CENATAC: variants seen among roughly 807,000 people sequenced by gnomAD.
The protein encoded by CENATAC is coiled-coil domain containing 84.
Under a neutral mutation model 53.7 loss-of-function variants are expected in CENATAC, and 53 were observed. The observed-to-expected ratio is 0.99, with a 90% CI of 0.79 to 1.24. The LOEUF (loss-of-function observed/expected upper bound fraction) is 1.24, where lower values mean the gene tolerates loss of function less well. CENATAC is among the 50% of genes most tolerant of loss of function. CENATAC has a pLI of 0.00. For missense variants in CENATAC, 474 were observed against 417.8 expected, an observed-to-expected ratio of 1.13 and a Z score of -1.17; for synonymous variants, 156 against 144.6, an observed-to-expected ratio of 1.08 and a Z score of -0.57.
intron 3 of CENATAC, among the ~76,000 whole-genome samples, chr11:119,008,262 C>CT (rs1251497330): frequency 6.6e-6 from 1 of 152,188 alleles, no homozygotes; most frequent in Non-Finnish European, 1.5e-5. Context: ...GCACCGGCCT[C>CT]TGAGTTCCCT....
Position 118,998,590 on chromosome 11 carries a change from C to G in CENATAC, c.281C>G (p.Ala94Gly). 2.6e-6 allele frequency: 4 copies of G among 1,560,452 alleles called. No homozygotes were observed. The highest frequency in any genetic ancestry group is 3.5e-6 in the Non-Finnish European group (4 of 1,151,632). Residue 94 changes from alanine to glycine, a missense_variant, in exon 2 of 11, where the codon GCC (alanine) becomes GGC (glycine). By Grantham distance (60) the Ala-to-Gly change is moderately conservative. Coordinates refer to ENST00000334418, the MANE Select transcript of CENATAC (RefSeq NM_198489.3). ...VLYGGLLEHLASPEHKKATNK... is the reference protein window; with the variant it reads ...VLYGGLLEHLGSPEHKKATNK... ...TACGGGGGGCTGCTGGAGCATCTGGCCAGGTGAGAGCCGAGCTAGGAGCCT... is the reference window on the plus strand; with the variant it reads ...TACGGGGGGCTGCTGGAGCATCTGGGCAGGTGAGAGCCGAGCTAGGAGCCT...
At position 119,013,299 on chromosome 11, in the gene CENATAC, ATTTTT is replaced by A. The variant is rs371143734; in HGVS notation, c.715+48_715+52del. The A allele has an allele frequency of 1.8e-4, 242 of 1,337,030 alleles. No homozygotes were observed. In the African/African-American group the frequency reaches 3.3e-3, roughly 18 times the overall value. The allele number at this position is 1,337,030 out of a possible 1,614,324, so 82.8% of individuals were successfully genotyped here. ...GGCAGTGTTTTTAAAACCCTGGGAG[ATTTTT>A]TTTTTTTTTTGAGATGGAGTCTTGT... On this transcript the variant is annotated intron_variant, in intron 8 of 10. Coordinates refer to ENST00000334418, the MANE Select transcript of CENATAC (RefSeq NM_198489.3).
chr11:119,002,208 G>C (rs991025137), intron 3 of CENATAC, among the ~76,000 whole-genome samples: 5 of 87,114 alleles, frequency 5.7e-5, no homozygotes, highest in South Asian at 4.0e-4. Flanking sequence ...TGGGCAACAA[G>C]AGCAAAACTC....
intron 3 of CENATAC, among the ~76,000 whole-genome samples, chr11:119,009,266 A>T (rs1189148966): frequency 6.6e-6 from 1 of 152,138 alleles, no homozygotes; most frequent in Non-Finnish European, 1.5e-5. Context: ...AGCTGGGATT[A>T]CAGGCACCTG....
chr11:119,002,923 T>A, intron 3 of CENATAC: 1 of 378,844 alleles, frequency 2.6e-6, no homozygotes. Flanking sequence ...GTAGCTGGTA[T>A]TACAGGCATG....
At chr11:119,000,137 G>A (rs1338700678) in intron 3 of CENATAC, among the ~76,000 whole-genome samples, 1 of 152,180 alleles carries the variant, frequency 6.6e-6, no homozygotes, top group Non-Finnish European at 1.5e-5. Flanking sequence ...GGCAGAAGCT[G>A]CCCCTTCTGC....
chr11:119,000,835 G>A (rs782076202), intron 3 of CENATAC, among the ~76,000 whole-genome samples: 16 of 152,020 alleles, frequency 1.1e-4, no homozygotes, highest in Non-Finnish European at 1.6e-4. Context: ...GAACTTCTGG[G>A]CTCAAGCAAT....
chr11:119,007,405 A>G (rs1289144746), intron 3 of CENATAC, among the ~76,000 whole-genome samples: 1 of 152,038 alleles, frequency 6.6e-6, no homozygotes, highest in East Asian at 1.9e-4. Context: ...GCTGGTCTCA[A>G]ACTCCTGACC....
At chr11:119,010,587 G>T in intron 3 of CENATAC, 177 bp from the exon 4 acceptor site, 1 of 590,058 alleles carries the variant, frequency 1.7e-6, no homozygotes. Context: ...AAAAGAAGTG[G>T]AGCCAGTATG....
At chr11:119,015,125 A>G in intron 9 of CENATAC, 42 bp downstream of exon 9, 1 of 1,545,584 alleles carries the variant, frequency 6.5e-7, no homozygotes, top group Non-Finnish European at 8.9e-7. Flanking sequence ...AAATCTTCAC[A>G]CTCAAAAATG....
At chr11:119,000,631 C>G (rs1942244960) in intron 3 of CENATAC, among the ~76,000 whole-genome samples, 3 of 151,872 alleles carry the variant, frequency 2.0e-5, no homozygotes, top group African/African-American at 7.3e-5. Context: ...TGGTGGGTGC[C>G]TATAATCCCA....
intron 4 of CENATAC, among the ~76,000 whole-genome samples, 153 bp downstream of exon 4, chr11:119,010,983 G>A (rs116348104): frequency 0.02 from 2,974 of 152,188 alleles, 93 homozygotes; most frequent in African/African-American, 0.068. Flanking sequence ...TAAGGAGCAC[G>A]CAACCTAGAT....
intron 3 of CENATAC, among the ~76,000 whole-genome samples, chr11:119,001,407 T>C (rs1942287934): frequency 1.3e-5 from 2 of 152,158 alleles, no homozygotes; most frequent in Non-Finnish European, 2.9e-5. Flanking sequence ...CTTTTTTTTT[T>C]TGGAGAGGGA....
In CENATAC at chr11:119,015,691, G is replaced by GC. The variant is rs1943136104; in HGVS notation, c.*93_*94insC. On this transcript the variant is annotated 3_prime_UTR_variant, in exon 11 of 11. Transcript: ENST00000334418. Reference sequence around the variant, plus strand: ...AAATTCTTTATCATTGTCTTTCTTAGGAAACAGACATACTCATTCATTTGA... The same window carrying GC: ...AAATTCTTTATCATTGTCTTTCTTAGCGAAACAGACATACTCATTCATTTGA... 18 of 1,392,688 alleles carry GC rather than the reference G, an allele frequency of 1.3e-5. No individual in the cohort carries two copies. Among genetic ancestry groups the GC allele is most frequent in the Non-Finnish European group, 1.8e-5 (18 of 988,120 alleles). 86.3% of individuals were successfully genotyped at this position (1,392,688 alleles called of 1,614,324 possible). A position where few individuals can be genotyped will look rare whatever the true frequency, so the allele number is the denominator to read the frequency against.
At position 118,998,285 on chromosome 11, in the gene CENATAC, C is replaced by T; in HGVS notation, c.88C>T (p.Leu30=). The T allele has an allele frequency of 6.2e-7, 1 of 1,603,444 alleles. No individual in the cohort carries two copies. The highest frequency in any genetic ancestry group is 8.5e-7 in the Non-Finnish European group (1 of 1,175,338). Residue 30 remains leucine, a synonymous_variant, in exon 1 of 11, where the codon CTG becomes TTG. Transcript: ENST00000334418. ...HVYSRKHQRQ[L]KEALERLLPQ... ...TTACAGCCGCAAGCACCAGCGGCAG[C>T]TGAAGGAGGCTTTGGAGAGGCTCCT... is the stretch of plus-strand genomic sequence containing the variant.
rs962333617 is a variant in CENATAC at position 119,015,689 on chromosome 11, T to C, written c.*91T>C. The C allele has an allele frequency of 1.6e-5, 23 of 1,407,528 alleles. No individual in the cohort carries two copies. Among genetic ancestry groups the C allele is most frequent in the Non-Finnish European group, 2.2e-5 (22 of 1,000,584 alleles). 87.2% of individuals were successfully genotyped at this position (1,407,528 alleles called of 1,614,324 possible). A position where few individuals can be genotyped will look rare whatever the true frequency, so the allele number is the denominator to read the frequency against. On this transcript the variant is annotated 3_prime_UTR_variant, in exon 11 of 11. Transcript: ENST00000334418. Reference sequence around the variant, plus strand: ...CCAAATTCTTTATCATTGTCTTTCTTAGGAAACAGACATACTCATTCATTT... The same window carrying C: ...CCAAATTCTTTATCATTGTCTTTCTCAGGAAACAGACATACTCATTCATTT...
At position 119,010,838 on chromosome 11, in the gene CENATAC, A is replaced by G. The variant is rs1158196283; in HGVS notation, c.450+8A>G. On this transcript the variant is annotated splice_region_variant and intron_variant, in intron 4 of 10. Transcript: ENST00000334418. ...GATAAAGTGATCAAGGAGGTAAGTT[A>G]AAGTAGCAGTCCCTCACCCTTTTTG... The G allele has an allele frequency of 6.2e-7, 1 of 1,613,382 alleles. No homozygotes were observed. Among genetic ancestry groups the G allele is most frequent in the African/African-American group, 1.3e-5 (1 of 74,912 alleles).
chr11:118,998,631 C>A (rs910495989), intron 2 of CENATAC, 38 bp downstream of exon 2: 3 of 1,546,384 alleles, frequency 1.9e-6, no homozygotes, highest in African/African-American at 1.4e-5. Flanking sequence ...AGCACAGACG[C>A]ATACATATAC....
intron 3 of CENATAC, chr11:119,002,918 T>G (rs1487934406): frequency 5.5e-6 from 2 of 361,190 alleles, no homozygotes; most frequent in Non-Finnish European, 1.1e-5. Flanking sequence ...CCTGAGTAGC[T>G]GGTATTACAG....
Sources: gnomAD v4.1 joint callset for allele counts (sites outside exome capture counted in the v4.1 genomes callset) on GRCh38, gnomAD v4.1.1 for gene constraint, MANE v1.5 for transcripts, NCBI Gene and HGNC (gene_info 2026-07-23, HGNC 2026-07-21) for gene names.